Variants in RNF212B observed in about 807,000 individuals in gnomAD.
RNF212B encodes ring finger protein 212B.
A neutral mutation model predicts 55.5 loss-of-function variants in RNF212B; 52 were observed. The ratio of observed to expected loss-of-function variants is 0.94; its 90% CI spans 0.75 to 1.18. The LOEUF is 1.18. Among genes scored for constraint, RNF212B ranks in the 50% most tolerant of loss-of-function variants. The probability of loss-of-function intolerance (pLI) is 0.00; values close to 1 mark genes in which losing one functional copy is unlikely to be tolerated. For synonymous variants in RNF212B, 99 were observed against 121.4 expected, an observed-to-expected ratio of 0.82 and a Z score of 1.21; for missense variants, 289 against 350.4, an observed-to-expected ratio of 0.82 and a Z score of 1.40.
chr14:23,270,964 A>G (rs1886029570), intron 14 of RNF212B, among the ~76,000 whole-genome samples: 1 of 152,224 alleles, frequency 6.6e-6, no homozygotes, highest in Non-Finnish European at 1.5e-5. Context: ...GTTCCACAAG[A>G]AAGTATTTTC....
At chr14:23,244,655 G>A (rs561008649) in intron 4 of RNF212B, among the ~76,000 whole-genome samples, 11 of 152,202 alleles carry the variant, frequency 7.2e-5, no homozygotes, top group Admixed American at 3.3e-4. Context: ...TAATTTCTAC[G>A]ACTAAAGGTT....
intron 2 of RNF212B, among the ~76,000 whole-genome samples, chr14:23,212,017 C>G (rs1433662430): frequency 6.6e-6 from 1 of 152,088 alleles, no homozygotes; most frequent in African/African-American, 2.4e-5. Context: ...CATGAGCCAC[C>G]GTGCCTGACC....
rs1261018314 is a variant in RNF212B, at chr14:23,262,726, T to C, written c.481+15T>C. 5.8e-6 allele frequency: 9 copies of C among 1,549,500 alleles called. No homozygotes were observed. Among genetic ancestry groups the C allele is most frequent in the African/African-American group, 2.7e-5 (2 of 73,126 alleles). On this transcript the variant is annotated intron_variant, in intron 8 of 14. Coordinates refer to ENST00000430154, the MANE Select transcript of RNF212B (RefSeq NM_001282322.3). ...ATCACAGTCAGGTGGAGAACATTTTTCCCCTAAATATCTGTGTGAGATGAA... is the reference window on the plus strand; with the variant it reads ...ATCACAGTCAGGTGGAGAACATTTTCCCCCTAAATATCTGTGTGAGATGAA...
At chr14:23,267,572 G>T (rs1885795519) in intron 11 of RNF212B, among the ~76,000 whole-genome samples, 1 of 151,952 alleles carries the variant, frequency 6.6e-6, no homozygotes, top group Non-Finnish European at 1.5e-5. Flanking sequence ...GGGATTATAG[G>T]CATGTGCCAC....
chr14:23,245,015 G>A (rs1027545437), intron 4 of RNF212B, among the ~76,000 whole-genome samples: 15 of 152,098 alleles, frequency 9.9e-5, no homozygotes, highest in Non-Finnish European at 4.4e-5. Flanking sequence ...GAGTTCCCAA[G>A]TTGTAAAAAC....
intron 2 of RNF212B, among the ~76,000 whole-genome samples, chr14:23,199,190 T>C (rs1879032864): frequency 6.6e-6 from 1 of 152,110 alleles, no homozygotes; most frequent in African/African-American, 2.4e-5. Context: ...GTGCCCAAGG[T>C]GGTTGGGGTA....
chr14:23,225,800 TAA>T (rs1428634795), intron 2 of RNF212B, among the ~76,000 whole-genome samples: 16 of 152,172 alleles, frequency 1.1e-4, no homozygotes, highest in Admixed American at 5.2e-4. Flanking sequence ...TAAAAATAAC[TAA>T]AAGAGTATTG....
At position 23,210,776 on chromosome 14, in the gene RNF212B, CAAA is replaced by C. The variant is rs1160221876; in HGVS notation, c.-2+17392_-2+17394del. 9.4e-4 allele frequency among the ~76,000 whole-genome samples: 57 copies of C among 60,852 alleles called. 1 individual carries two copies. The highest frequency in any genetic ancestry group is 4.3e-3 in the African/African-American group (56 of 13,170). The allele number at this position is 60,852 out of a possible 152,430, so 39.9% of individuals were successfully genotyped here. On this transcript the variant is annotated intron_variant, in intron 2 of 15. Coordinates refer to the RNF212B transcript ENST00000399910. ...CAGGTGACAGTGTGAGACTCTGTCT[CAAA>C]AAAAAAAAAAAAAAAAGAAATGTAG...
At chr14:23,199,467 G>T (rs1219253686) in intron 2 of RNF212B, among the ~76,000 whole-genome samples, 1 of 152,210 alleles carries the variant, frequency 6.6e-6, no homozygotes, top group Non-Finnish European at 1.5e-5. Flanking sequence ...TTCCCAGCTT[G>T]ACTATTCCCT....
rs978319413 is a variant in RNF212B, at chr14:23,263,075, G to A, written c.524+105G>A. On this transcript the variant is annotated intron_variant, in intron 9 of 14. Transcript: ENST00000430154. Reference sequence around the variant, plus strand: ...ACTGATGAAATTTTAGGTCTATGTAGAAGTTTAAAGCTAGGGTTTTTTTTT... The same window carrying A: ...ACTGATGAAATTTTAGGTCTATGTAAAAGTTTAAAGCTAGGGTTTTTTTTT... 3 of 1,017,448 alleles carry A rather than the reference G, an allele frequency of 2.9e-6. No individual in the cohort carries two copies. The African/African-American group carries it at 5.0e-5, about 17-fold the overall frequency. The allele number at this position is 1,017,448 out of a possible 1,614,324, so 63.0% of individuals were successfully genotyped here. A position where few individuals can be genotyped will look rare whatever the true frequency, so the allele number is the denominator to read the frequency against.
At chr14:23,264,402 GAATA>G (rs1190201240) in intron 10 of RNF212B, among the ~76,000 whole-genome samples, 168 bp downstream of exon 10, 1 of 152,202 alleles carries the variant, frequency 6.6e-6, no homozygotes, top group Non-Finnish European at 1.5e-5. Context: ...AACTGACAGA[GAATA>G]AATAGGGGTG....
chr14:23,270,682 C>A (rs1027674271), intron 14 of RNF212B, 21 bp downstream of exon 14: 4 of 1,508,474 alleles, frequency 2.7e-6, no homozygotes, highest in Non-Finnish European at 3.6e-6. Context: ...GCTAGTCTAA[C>A]TTGTCTGTGC....
chr14:23,208,916 G>A (rs1344011792), intron 2 of RNF212B, among the ~76,000 whole-genome samples: 1 of 151,548 alleles, frequency 6.6e-6, no homozygotes, highest in Non-Finnish European at 1.5e-5. Flanking sequence ...CCGCCACTAC[G>A]CCTGGCTAAT....
In RNF212B at chr14:23,264,243, T is replaced by C; in HGVS notation, c.585+9T>C. ...TTGGTAGCTTGGGACAAGTAAGTAA[T>C]GTTCACCTTATCTTTCCAGATTGAA... On this transcript the variant is annotated intron_variant, in intron 10 of 14. Coordinates refer to ENST00000430154, the MANE Select transcript of RNF212B (RefSeq NM_001282322.3). The C allele has an allele frequency of 6.5e-7, 1 of 1,542,628 alleles. No individual in the cohort carries two copies. Among genetic ancestry groups the C allele is most frequent in the Non-Finnish European group, 8.8e-7 (1 of 1,140,022 alleles).
chr14:23,270,084 T>G (rs1177840852), intron 13 of RNF212B, 124 bp downstream of exon 13: 10 of 643,752 alleles, frequency 1.6e-5, no homozygotes, highest in Admixed American at 5.4e-5. Context: ...TCTAGTTGGC[T>G]CCTTAATATT....
chr14:23,207,125 A>C, intron 2 of RNF212B, among the ~76,000 whole-genome samples: 1 of 152,180 alleles, frequency 6.6e-6, no homozygotes, highest in East Asian at 1.9e-4. Flanking sequence ...CTGCTATTTC[A>C]GAAGTACAGC....
intron 2 of RNF212B, among the ~76,000 whole-genome samples, chr14:23,219,688 T>A (rs977403851): frequency 3.9e-5 from 6 of 151,934 alleles, no homozygotes; most frequent in African/African-American, 1.2e-4. Flanking sequence ...GTCAGGCTGG[T>A]CTCAAACTGC....
chr14:23,202,199 C>T (rs1023188692), intron 2 of RNF212B, among the ~76,000 whole-genome samples: 1 of 150,328 alleles, frequency 6.7e-6, no homozygotes, highest in Non-Finnish European at 1.5e-5. Context: ...TGCAGTGAGC[C>T]GAGATTGCGC....
At chr14:23,233,211 T>C (rs964701816), upstream of RNF212B, among the ~76,000 whole-genome samples, 3 of 152,108 alleles carry the variant, frequency 2.0e-5, no homozygotes, top group African/African-American at 7.2e-5. Context: ...GAAGGCAGCA[T>C]GCTGGTTAAG....
Sources: gnomAD v4.1 joint callset for allele counts (sites outside exome capture counted in the v4.1 genomes callset) on GRCh38, gnomAD v4.1.1 for gene constraint, MANE v1.5 for transcripts, NCBI Gene and HGNC (gene_info 2026-07-23, HGNC 2026-07-21) for gene names.